The following KCNC2 variants were observed in gnomAD, a reference collection of about 807,000 sequenced individuals.
KCNC2 encodes the protein voltage-gated potassium channel KCNC2.
A neutral mutation model predicts 44.5 loss-of-function variants in KCNC2; 21 were observed. The ratio of observed to expected loss-of-function variants is 0.47; its 90% CI spans 0.33 to 0.68. The LOEUF is 0.68. Ranked by LOEUF, KCNC2 falls within the 30% of genes least tolerant of loss-of-function variation. KCNC2 has a pLI of 0.01. For missense variants in KCNC2, 589 were observed against 826.2 expected (o/e 0.71, Z 3.52); for synonymous variants, 391 against 339.1 (o/e 1.15, Z -1.68).
intron 2 of KCNC2, among the ~76,000 whole-genome samples, chr12:75,127,751 C>A (rs1363609216): frequency 6.6e-6 from 1 of 152,070 alleles, no homozygotes; most frequent in Non-Finnish European, 1.5e-5. Context: ...TTTCTCCAAG[C>A]TAAGAAAGAG....
chr12:75,115,577 G>T (rs528655160), intron 2 of KCNC2, among the ~76,000 whole-genome samples: 22 of 152,196 alleles, frequency 1.4e-4, no homozygotes, highest in African/African-American at 5.1e-4. Flanking sequence ...CTTTTGCCAG[G>T]AATTCTGTTC....
At chr12:75,175,809 A>G (rs936575278) in intron 2 of KCNC2, among the ~76,000 whole-genome samples, 1 of 152,096 alleles carries the variant, frequency 6.6e-6, no homozygotes, top group African/African-American at 2.4e-5. Flanking sequence ...CCTAACTGAA[A>G]TAACATCAAA....
chr12:75,137,096 C>A (rs190929156), intron 2 of KCNC2, among the ~76,000 whole-genome samples: 1 of 152,140 alleles, frequency 6.6e-6, no homozygotes, highest in Non-Finnish European at 1.5e-5. Flanking sequence ...CCATCTCTTG[C>A]AAAATCTAAC....
chr12:75,167,904 T>C (rs530072996), intron 2 of KCNC2, among the ~76,000 whole-genome samples: 1 of 151,560 alleles, frequency 6.6e-6, no homozygotes, highest in African/African-American at 2.4e-5. Context: ...ATTAAAAATT[T>C]ATCTTAAATC....
At chr12:75,165,270 T>A (rs1423788163) in intron 2 of KCNC2, among the ~76,000 whole-genome samples, 3 of 151,602 alleles carry the variant, frequency 2.0e-5, no homozygotes, top group Admixed American at 2.0e-4. Context: ...GAGCATTAAA[T>A]AATTAGATAT....
intron 2 of KCNC2, among the ~76,000 whole-genome samples, chr12:75,126,965 A>C (rs2137316711): frequency 6.6e-6 from 1 of 152,258 alleles, no homozygotes; most frequent in South Asian, 2.1e-4. Flanking sequence ...ATAATCGAAA[A>C]GCTTCGAGCT....
intron 2 of KCNC2, among the ~76,000 whole-genome samples, chr12:75,157,572 T>C (rs1025707649): frequency 6.6e-6 from 1 of 151,898 alleles, no homozygotes; most frequent in East Asian, 1.9e-4. Flanking sequence ...AAGACCACAG[T>C]TTAGCAATTT....
chr12:75,144,190 T>C (rs1396694703), intron 2 of KCNC2, among the ~76,000 whole-genome samples: 1 of 152,232 alleles, frequency 6.6e-6, no homozygotes, highest in East Asian at 1.9e-4. Context: ...AAATTAATTA[T>C]CTTTTTTAAA....
At chr12:75,151,145 A>G (rs773887694) in intron 2 of KCNC2, among the ~76,000 whole-genome samples, 1 of 152,004 alleles carries the variant, frequency 6.6e-6, no homozygotes, top group Non-Finnish European at 1.5e-5. Flanking sequence ...TCACGATGCA[A>G]GAAAACTAAT....
At chr12:75,163,427 A>T (rs1251822854) in intron 2 of KCNC2, among the ~76,000 whole-genome samples, 1 of 151,726 alleles carries the variant, frequency 6.6e-6, no homozygotes, top group Non-Finnish European at 1.5e-5. Context: ...GAAGTCAACC[A>T]GATGGTGAAG....
At chr12:75,107,233 G>A (rs1215716323) in intron 2 of KCNC2, among the ~76,000 whole-genome samples, 4 of 152,140 alleles carry the variant, frequency 2.6e-5, no homozygotes, top group African/African-American at 9.7e-5. Context: ...GAACCCAGGA[G>A]GTGGAGGTTG....
At chr12:75,079,405 A>G (rs1884281376) in intron 2 of KCNC2, among the ~76,000 whole-genome samples, 1 of 152,156 alleles carries the variant, frequency 6.6e-6, no homozygotes. Context: ...GCTGTGAAAA[A>G]CAATCTAAGA....
chr12:75,121,717 C>A (rs1888057035), intron 2 of KCNC2, among the ~76,000 whole-genome samples: 1 of 152,156 alleles, frequency 6.6e-6, no homozygotes, highest in Non-Finnish European at 1.5e-5. Context: ...GGAATAGAAG[C>A]AATCATTCCC....
In KCNC2 at chr12:75,042,764, T is replaced by TG; in HGVS notation, c.*340_*341insC. 1 of 1,151,850 alleles carries TG rather than the reference T, an allele frequency of 8.7e-7. No individual in the cohort carries two copies. The highest frequency in any genetic ancestry group is 1.6e-5 in the African/African-American group (1 of 62,362). The allele number at this position is 1,151,850 out of a possible 1,614,324, so 71.4% of individuals were successfully genotyped here. ...AAGAAATAAAGTTCCAATGAAGTGG[T>TG]TGGCATTTGGAAGCACACTGTTTTA... On this transcript the variant is annotated 3_prime_UTR_variant, in exon 5 of 5. Coordinates refer to ENST00000549446, the MANE Select transcript of KCNC2 (RefSeq NM_139137.4).
rs190010312 is a variant in KCNC2, at chr12:75,086,472, G to A, written c.688-35155C>T. On this transcript the variant is annotated intron_variant, in intron 2 of 4. Transcript: ENST00000549446. ...TTGCTTGCTATATTTTACCTTCTTC[G>A]TGTGTCTCCTCTTGAAATACTAAAA... is the stretch of plus-strand genomic sequence containing the variant. 4.0e-5 allele frequency among the ~76,000 whole-genome samples: 6 copies of A among 151,492 alleles called. No individual in the cohort carries two copies. The East Asian group carries it at 9.7e-4, about 25-fold the overall frequency.
intron 2 of KCNC2, among the ~76,000 whole-genome samples, chr12:75,093,144 A>G (rs1885630288): frequency 6.6e-6 from 1 of 151,588 alleles, no homozygotes; most frequent in South Asian, 2.1e-4. Flanking sequence ...TTCATGATTC[A>G]TAGAATCAAA....
In KCNC2 at chr12:75,207,910, G is replaced by A; in HGVS notation, c.74C>T (p.Thr25Ile). The part of the protein sequence containing the change: ...GGTRHETYRS[T>I]LKTLPGTRLA... ...GCGTGTTCCAGGCAGGGTCTTGAGG[G>A]TGCTGCGGTAGGTTTCGTGCCGGGT... The change falls in exon 2 of 5, where the codon ACC (threonine) becomes ATC (isoleucine). Residue 25 changes from threonine (T) to isoleucine (I), a missense_variant. By Grantham distance (89) the Thr-to-Ile change is moderately conservative. This residue lies in a region of KCNC2 where 148 missense variants were observed against 140.1 expected (regional missense o/e 1.06). Coordinates refer to ENST00000549446, the MANE Select transcript of KCNC2 (RefSeq NM_139137.4). The surrounding 1 kb of genome is among the most constrained non-coding windows in gnomAD (Gnocchi z 4.1). 2 of 1,612,864 alleles carry A rather than the reference G, an allele frequency of 1.2e-6. No individual in the cohort carries two copies. The highest frequency in any genetic ancestry group is 1.7e-6 in the Non-Finnish European group (2 of 1,179,938).
At chr12:75,176,842 C>A (rs995409845) in intron 2 of KCNC2, among the ~76,000 whole-genome samples, 2 of 151,624 alleles carry the variant, frequency 1.3e-5, no homozygotes, top group Non-Finnish European at 1.5e-5. Context: ...AACAAAAAAA[C>A]CTCAAAAAGA....
In KCNC2 at chr12:75,207,788, TCGG is replaced by T; in HGVS notation, c.193_195del (p.Pro65del). 1 of 1,591,056 alleles carries T rather than the reference TCGG, an allele frequency of 6.3e-7. No individual in the cohort carries two copies. Among genetic ancestry groups the T allele is most frequent in the Non-Finnish European group, 8.5e-7 (1 of 1,170,476 alleles). On this transcript the variant is annotated inframe_deletion, in exon 2 of 5. Transcript: ENST00000549446. The surrounding 1 kb of genome is among the most constrained non-coding windows in gnomAD (Gnocchi z 4.1). ...GGCCCGGGGGACAGCGGGGGCGCTC[TCGG>T]CGGCGGCGACAGTGGAGGCGGCGAC...
Sources: allele counts gnomAD v4.1 joint callset (sites outside exome capture counted in the v4.1 genomes callset), GRCh38; gene constraint gnomAD v4.1.1; regional missense constraint gnomAD v4.1.1; non-coding constraint Gnocchi (gnomAD v3.1); transcripts MANE v1.5; gene names NCBI Gene and HGNC (gene_info 2026-07-23, HGNC 2026-07-21).